MYH13: variants seen among roughly 807,000 people sequenced by gnomAD.
MYH13 encodes myosin-13.
MYH13 carries 177 observed loss-of-function variants against 232.1 expected under a neutral mutation model. The ratio of observed to expected loss-of-function variants is 0.76; its 90% CI spans 0.67 to 0.86. The LOEUF is 0.86. Ranked by LOEUF, MYH13 falls within the 40% of genes least tolerant of loss-of-function variation. The pLI is 0.00. For missense variants in MYH13, 2,246 were observed against 2,405.9 expected (o/e 0.93, Z 1.39); for synonymous variants, 884 against 923.5 (o/e 0.96, Z 0.78).
In MYH13 at chr17:10,309,766, G is replaced by A. The variant is rs753247215; in HGVS notation, c.4721C>T (p.Ser1574Phe). ...RVQLELSQVK[S>F]ELDRKVIEKD... ...CTCAATGACCTTGCGGTCTAGCTCG[G>A]ATTTCACCTGGCTCAGCTCTAGCTG... Residue 1574 changes from serine (S) to phenylalanine (F), a missense_variant, in exon 34 of 41, where the codon TCC becomes TTC. Transcript: ENST00000252172. The A allele has an allele frequency of 2.5e-6, 4 of 1,601,050 alleles. No homozygotes were observed. The highest frequency in any genetic ancestry group is 1.3e-5 in the African/African-American group (1 of 74,826).
At position 10,350,563 on chromosome 17, in the gene MYH13, G is replaced by A. The variant is rs190698339; in HGVS notation, c.1137C>T (p.Gly379=). The change falls in exon 12 of 41, where the codon GGC becomes GGT. Residue 379 remains glycine (G), a synonymous_variant. Coordinates refer to ENST00000252172, the MANE Select transcript of MYH13 (RefSeq NM_003802.3). ...TTTCCCAGATGCAGTTACCTTCGGT[G>A]CCGTCTGGCTCCGCCTGCTCCTCAC... is the stretch of plus-strand genomic sequence containing the variant. The part of the protein sequence containing the change: ...KQREEQAEPD[G]TEVADKAGYL... The A allele has an allele frequency of 1.5e-3, 2,423 of 1,612,328 alleles. 12 individuals are homozygous for A. Among genetic ancestry groups the A allele is most frequent in the Non-Finnish European group, 1.2e-3 (1,387 of 1,179,770 alleles).
At chr17:10,365,426 G>A (rs1328884825) in intron 2 of MYH13, among the ~76,000 whole-genome samples, 1 of 152,204 alleles carries the variant, frequency 6.6e-6, no homozygotes, top group African/African-American at 2.4e-5. Flanking sequence ...CCCTTGAGGG[G>A]TTGTTAAAGC....
intron 5 of MYH13, among the ~76,000 whole-genome samples, chr17:10,361,845 G>A (rs1376821242): frequency 6.6e-6 from 1 of 152,162 alleles, no homozygotes; most frequent in Non-Finnish European, 1.5e-5. Context: ...CTGGATTGGG[G>A]GTTCCCTGGG....
intron 11 of MYH13, among the ~76,000 whole-genome samples, chr17:10,352,548 C>A (rs2071718120): frequency 6.6e-6 from 1 of 151,770 alleles, no homozygotes; most frequent in Non-Finnish European, 1.5e-5. Flanking sequence ...GAGATCGCAC[C>A]ACTGCACTCC....
chr17:10,346,899 A>G, intron 12 of MYH13, 101 bp from the exon 13 acceptor site: 1 of 836,386 alleles, frequency 1.2e-6, no homozygotes, highest in East Asian at 2.6e-5. Flanking sequence ...TAATTTTCTT[A>G]AATGTTTTCA....
At chr17:10,346,100 G>T (rs563857518) in intron 13 of MYH13, among the ~76,000 whole-genome samples, 10 of 150,938 alleles carry the variant, frequency 6.6e-5, no homozygotes, top group Admixed American at 2.6e-4. Flanking sequence ...TGAGGTGTTT[G>T]CCCAGCTCAT....
chr17:10,327,768 T>C, intron 22 of MYH13, 98 bp downstream of exon 22: 3 of 1,472,376 alleles, frequency 2.0e-6, no homozygotes, highest in African/African-American at 2.8e-5. Flanking sequence ...GTGGCACCAC[T>C]GTCTCTCGAA....
intron 12 of MYH13, among the ~76,000 whole-genome samples, chr17:10,349,547 G>A (rs142338271): frequency 6.6e-6 from 1 of 152,130 alleles, no homozygotes; most frequent in Non-Finnish European, 1.5e-5. Context: ...TGAAGACTTG[G>A]AGTCCCCTCC....
At chr17:10,309,133 C>T (rs1482484166) in intron 35 of MYH13, 101 bp downstream of exon 35, 5 of 1,246,944 alleles carry the variant, frequency 4.0e-6, no homozygotes, top group African/African-American at 3.0e-5. Context: ...CTTCCCACGG[C>T]GTGGGCCCTG....
intron 21 of MYH13, among the ~76,000 whole-genome samples, chr17:10,329,103 C>G (rs1334583539): frequency 6.6e-6 from 1 of 152,184 alleles, no homozygotes; most frequent in African/African-American, 2.4e-5. Context: ...TCTTTCCCTT[C>G]TTGAGATTCT....
intron 7 of MYH13, 115 bp downstream of exon 7, chr17:10,359,845 A>T: frequency 1.1e-6 from 1 of 892,094 alleles, no homozygotes; most frequent in Non-Finnish European, 1.8e-6. Flanking sequence ...GAAAGAAAGA[A>T]TTTTTCCTAT....
intron 18 of MYH13, among the ~76,000 whole-genome samples, chr17:10,334,437 CTT>C (rs1237815785): frequency 6.6e-6 from 1 of 152,156 alleles, no homozygotes; most frequent in East Asian, 1.9e-4. Flanking sequence ...CATTTTAAAA[CTT>C]TTCATGTAAA....
rs973826318 is a variant in MYH13, at chr17:10,330,257, A to G, written c.2435+130T>C. On this transcript the variant is annotated intron_variant, in intron 21 of 40. Transcript: ENST00000252172. Reference sequence around the variant, plus strand: ...AGCACCCAGCCCAGGATTGCCGCTCAGTAGATGTGGGTTAAACAAATGAAG... The same window carrying G: ...AGCACCCAGCCCAGGATTGCCGCTCGGTAGATGTGGGTTAAACAAATGAAG... 39 of 1,319,434 alleles carry G rather than the reference A, an allele frequency of 3.0e-5. No individual in the cohort carries two copies. In the African/African-American group the frequency reaches 4.6e-4, roughly 16 times the overall value. 81.7% of individuals were successfully genotyped at this position (1,319,434 alleles called of 1,614,324 possible).
intron 8 of MYH13, among the ~76,000 whole-genome samples, chr17:10,357,127 A>AT (rs1478985086): frequency 6.6e-6 from 1 of 151,902 alleles, no homozygotes; most frequent in Non-Finnish European, 1.5e-5. Flanking sequence ...TGCCCAGCTA[A>AT]TTTTTTGTAT....
At position 10,324,220 on chromosome 17, in the gene MYH13, G is replaced by A. The variant is rs1279903043; in HGVS notation, c.2736C>T (p.Leu912=). ...CTTCCAGTAGGATCTTGCTTTTGAT[G>A]AGTCCTTCACACCGTTCCTCAGCGT... ...LMDAEERCEG[L]IKSKILLEAK... The change falls in exon 23 of 41, where the codon CTC becomes CTT. Residue 912 remains leucine, a synonymous_variant. Coordinates refer to ENST00000252172, the MANE Select transcript of MYH13 (RefSeq NM_003802.3). 4.3e-6 allele frequency: 7 copies of A among 1,613,738 alleles called. No individual in the cohort carries two copies. Among genetic ancestry groups the A allele is most frequent in the African/African-American group, 1.3e-5 (1 of 74,862 alleles).
In MYH13 at chr17:10,332,239, T is replaced by C; in HGVS notation, c.2175-17A>G. 1 of 1,612,122 alleles carries C rather than the reference T, an allele frequency of 6.2e-7. No homozygotes were observed. Among genetic ancestry groups the C allele is most frequent in the Non-Finnish European group, 8.5e-7 (1 of 1,178,292 alleles). ...ATCCGGTACCTAAGGAGAGAGGACA[T>C]TTCCCAAATGGATTCCAATCCCCGA... is the stretch of plus-strand genomic sequence containing the variant. On this transcript the variant is annotated splice_polypyrimidine_tract_variant and intron_variant, in intron 19 of 40. Transcript: ENST00000252172.
intron 20 of MYH13, 127 bp from the exon 21 acceptor site, chr17:10,330,650 G>A: frequency 7.6e-7 from 1 of 1,315,612 alleles, no homozygotes; most frequent in Non-Finnish European, 1.0e-6. Flanking sequence ...CAGCAATTCT[G>A]TTTCCAGGAC....
chr17:10,348,351 T>C (rs185880565), intron 12 of MYH13, among the ~76,000 whole-genome samples: 2 of 152,372 alleles, frequency 1.3e-5, no homozygotes, highest in East Asian at 3.9e-4. Context: ...GCCTGGGCTC[T>C]AGAGTCGGAC....
In MYH13 at chr17:10,347,376, T is replaced by A. The variant is rs375965469; in HGVS notation, c.1145-578A>T. Among the ~76,000 whole-genome samples the A allele has an allele frequency of 7.2e-5, 11 of 151,858 alleles. No individual in the cohort carries two copies. In the South Asian group the frequency reaches 2.1e-3, roughly 29 times the overall value. ...GCAAGACTCCGACTCAAAAAAAAAA[T>A]TAATTAATTACATAGTTATGTTGGA... On this transcript the variant is annotated intron_variant, in intron 12 of 40. Coordinates refer to ENST00000252172, the MANE Select transcript of MYH13 (RefSeq NM_003802.3).
Sources: gnomAD v4.1 joint callset for allele counts (sites outside exome capture counted in the v4.1 genomes callset) on GRCh38, gnomAD v4.1.1 for gene constraint, MANE v1.5 for transcripts, NCBI Gene and HGNC (gene_info 2026-07-23, HGNC 2026-07-21) for gene names.